SLC36A1: variants seen among roughly 807,000 people sequenced by gnomAD.
The protein encoded by SLC36A1 is solute carrier family 36 member 1.
In SLC36A1, 30 loss-of-function variants were observed where a neutral mutation model predicts 47.5. That is an observed-to-expected ratio of 0.63 (90% CI 0.47 to 0.86). The LOEUF is 0.86. Among genes scored for constraint, SLC36A1 ranks in the 40% least tolerant of loss-of-function variants. The probability of loss-of-function intolerance (pLI) is 0.00; values close to 1 mark genes in which losing one functional copy is unlikely to be tolerated. For missense variants in SLC36A1, 517 were observed against 606.0 expected, an observed-to-expected ratio of 0.85 and a Z score of 1.54; for synonymous variants, 255 against 249.7, an observed-to-expected ratio of 1.02 and a Z score of -0.20.
the SLC36A1 span, among the ~76,000 whole-genome samples, chr5:151,381,688 T>G: frequency 6.6e-6 from 1 of 152,116 alleles, no homozygotes; most frequent in East Asian, 1.9e-4. Flanking sequence ...AACTGGCTTG[T>G]CTGATCTTGT....
the SLC36A1 span, among the ~76,000 whole-genome samples, chr5:151,426,940 C>T: frequency 1.2e-4 from 19 of 152,184 alleles, no homozygotes; most frequent in African/African-American, 4.6e-4. Flanking sequence ...CAAAGCACAT[C>T]CTGCACAGCC....
intron 10 of SLC36A1, among the ~76,000 whole-genome samples, chr5:151,486,199 G>A (rs1759505209): frequency 6.6e-6 from 1 of 152,288 alleles, no homozygotes; most frequent in East Asian, 1.9e-4. Context: ...GCTTTATATG[G>A]CAAGACAGGG....
the SLC36A1 span, chr5:151,511,047 A>T: frequency 6.6e-6 from 1 of 152,412 alleles, no homozygotes; most frequent in Non-Finnish European, 1.5e-5. Flanking sequence ...GTGCTGGATA[A>T]AGATCACCCC....
chr5:151,501,934 G>C, the SLC36A1 span, among the ~76,000 whole-genome samples: 2 of 148,438 alleles, frequency 1.3e-5, no homozygotes, highest in Non-Finnish European at 2.9e-5. Context: ...AGAAAACCTG[G>C]AGACCTTGGG....
chr5:151,479,387 G>A lies in SLC36A1; in HGVS notation c.1057G>A (p.Val353Ile), dbSNP rs781266508. 2.8e-5 allele frequency: 45 copies of A among 1,614,154 alleles called. No individual in the cohort carries two copies. The highest frequency in any genetic ancestry group is 2.0e-4 in the South Asian group (18 of 91,076). ...TTTCACCTACGCACTCCAGTTCTAC[G>A]TCCCGGCTGAGATCATCATCCCCTT... Reference protein sequence around the residue: ...IFFTYALQFYVPAEIIIPFFV... With the variant: ...IFFTYALQFYIPAEIIIPFFV... Residue 353 changes from valine to isoleucine, a missense_variant, in exon 10 of 11, where the codon GTC (valine) becomes ATC (isoleucine). Val to Ile is a conservative substitution (Grantham distance 29). Coordinates refer to ENST00000243389, the MANE Select transcript of SLC36A1 (RefSeq NM_078483.4).
chr5:151,553,418 T>A, the SLC36A1 span: 2 of 1,605,802 alleles, frequency 1.2e-6, no homozygotes, highest in Middle Eastern at 1.7e-4. Context: ...AAACTGAGGT[T>A]TGGGGCCAAG....
At chr5:151,436,900 CT>C (rs1301618084), upstream of SLC36A1, 6 of 151,022 alleles carry the variant, frequency 4.0e-5, no homozygotes, top group Admixed American at 6.6e-5. Context: ...TGGTCTCAGA[CT>C]TTTTTTTTGG....
chr5:151,445,795 C>T (rs1367819284), upstream of SLC36A1, among the ~76,000 whole-genome samples: 1 of 152,100 alleles, frequency 6.6e-6, no homozygotes, highest in Non-Finnish European at 1.5e-5. Flanking sequence ...TCACAATAGC[C>T]CCATATGATT....
At chr5:151,349,381 G>T in the SLC36A1 span, among the ~76,000 whole-genome samples, 1 of 152,230 alleles carries the variant, frequency 6.6e-6, no homozygotes, top group East Asian at 1.9e-4. Context: ...CAGGCAGGAG[G>T]TCTTCTCCTA....
the SLC36A1 span, among the ~76,000 whole-genome samples, chr5:151,533,346 A>G: frequency 2.0e-5 from 3 of 150,626 alleles, no homozygotes. Flanking sequence ...TATCAAACCC[A>G]TTTCTGTATC....
the SLC36A1 span, among the ~76,000 whole-genome samples, chr5:151,408,277 C>A: frequency 6.6e-6 from 1 of 152,136 alleles, no homozygotes; most frequent in Non-Finnish European, 1.5e-5. Flanking sequence ...CAACTTCTGC[C>A]TCCCGGGTTC....
At chr5:151,484,998 T>A (rs931375733) in intron 10 of SLC36A1, among the ~76,000 whole-genome samples, 2 of 152,172 alleles carry the variant, frequency 1.3e-5, no homozygotes, top group African/African-American at 2.4e-5. Flanking sequence ...AGAGGGCAAG[T>A]GTCTTGGTGT....
At chr5:151,424,579 A>C in the SLC36A1 span, among the ~76,000 whole-genome samples, 1 of 152,240 alleles carries the variant, frequency 6.6e-6, no homozygotes, top group Non-Finnish European at 1.5e-5. Flanking sequence ...AAGAGCAGAT[A>C]TTAATCACTA....
chr5:151,552,425 T>C, the SLC36A1 span, among the ~76,000 whole-genome samples: 1 of 152,216 alleles, frequency 6.6e-6, no homozygotes, highest in African/African-American at 2.4e-5. Flanking sequence ...GCATATATCC[T>C]ATCCTACTCT....
At chr5:151,537,330 AAAG>A in the SLC36A1 span, among the ~76,000 whole-genome samples, 209 of 1,656 alleles carry the variant, frequency 0.13, no homozygotes, top group East Asian at 0.29. Context: ...AGAAAAAAAG[AAAG>A]AAAAGAAAAG....
At chr5:151,437,637 C>A (rs1292420555) in intron 1 of SLC36A1, among the ~76,000 whole-genome samples, 1 of 152,126 alleles carries the variant, frequency 6.6e-6, no homozygotes, top group Non-Finnish European at 1.5e-5. Context: ...CTTTACTTCT[C>A]AATATAATTA....
At chr5:151,433,933 A>G (rs1377854727), upstream of SLC36A1, among the ~76,000 whole-genome samples, 1 of 145,776 alleles carries the variant, frequency 6.9e-6, no homozygotes, top group African/African-American at 2.6e-5. Flanking sequence ...CCTAGTGCCC[A>G]GAGGATGGAG....
chr5:151,510,380 C>T, the SLC36A1 span: 17 of 544,532 alleles, frequency 3.1e-5, no homozygotes, highest in East Asian at 4.9e-4. Context: ...GCTTACAGCC[C>T]ACCAGAGACA....
the SLC36A1 span, chr5:151,527,517 T>C: frequency 1.4e-6 from 1 of 737,414 alleles, no homozygotes; most frequent in Non-Finnish European, 2.0e-6. Context: ...CCCGTAGCAT[T>C]TTAGGGCTTA....
Sources: allele counts gnomAD v4.1 joint callset (sites outside exome capture counted in the v4.1 genomes callset), GRCh38; gene constraint gnomAD v4.1.1; transcripts MANE v1.5; gene names NCBI Gene and HGNC (gene_info 2026-07-23, HGNC 2026-07-21).